Variants in SHISA6 observed in about 807,000 individuals in gnomAD.
SHISA6 encodes the protein protein shisa-6.
Under a neutral mutation model 47.9 loss-of-function variants are expected in SHISA6, and 22 were observed. The observed-to-expected ratio is 0.46, with a 90% CI of 0.33 to 0.66. The LOEUF (loss-of-function observed/expected upper bound fraction) is 0.66, where lower values mean the gene tolerates loss of function less well. Ranked by LOEUF, SHISA6 falls within the 30% of genes least tolerant of loss-of-function variation. The pLI is 0.02. For missense variants in SHISA6, 680 were observed against 764.6 expected (o/e 0.89, Z 1.30); for synonymous variants, 388 against 337.8 (o/e 1.15, Z -1.63).
chr17:11,268,810 A>G (rs1183899634), intron 2 of SHISA6, among the ~76,000 whole-genome samples: 1 of 152,234 alleles, frequency 6.6e-6, no homozygotes, highest in Non-Finnish European at 1.5e-5. Flanking sequence ...TGTTCAGGGA[A>G]TGATGAAAGA....
At chr17:11,504,199 A>T (rs1044234950) in intron 3 of SHISA6, among the ~76,000 whole-genome samples, 1 of 152,192 alleles carries the variant, frequency 6.6e-6, no homozygotes. Flanking sequence ...GGCTGGCTTC[A>T]TGGGCTTTGC....
rs959119578 is a variant in SHISA6 at position 11,546,091 on chromosome 17, T to A, written c.896-5805T>A. On this transcript the variant is annotated intron_variant, in intron 3 of 5. Transcript: ENST00000441885. ...GGGACTAGAAATATAACTGTAGCCA[T>A]TTTTGGAAAATACAATATGCCCCGG... Among the ~76,000 whole-genome samples the A allele has an allele frequency of 2.0e-5, 3 of 152,318 alleles. No homozygotes were observed. In the East Asian group the frequency reaches 5.8e-4, roughly 29 times the overall value.
chr17:11,290,842 A>G (rs545234706), intron 2 of SHISA6: 2 of 152,184 alleles, frequency 1.3e-5, no homozygotes, highest in African/African-American at 4.8e-5. Flanking sequence ...TGATACTGAT[A>G]TGTGAGGGTT....
intron 2 of SHISA6, among the ~76,000 whole-genome samples, chr17:11,341,149 C>CT (rs1472428659): frequency 1.3e-5 from 2 of 152,200 alleles, no homozygotes; most frequent in African/African-American, 4.8e-5. Flanking sequence ...ATGGGAGCAT[C>CT]TTCTGGGGGA....
At chr17:11,526,728 G>C (rs1327366262) in intron 3 of SHISA6, among the ~76,000 whole-genome samples, 1 of 151,856 alleles carries the variant, frequency 6.6e-6, no homozygotes, top group Non-Finnish European at 1.5e-5. Flanking sequence ...GAAGCATTTT[G>C]CTTCTTGGGT....
chr17:11,316,428 T>G (rs1344209800), intron 2 of SHISA6, among the ~76,000 whole-genome samples: 2 of 146,700 alleles, frequency 1.4e-5, no homozygotes, highest in African/African-American at 5.0e-5. Context: ...TCTTTTTTTT[T>G]TTTTTTTTTT....
chr17:11,424,773 G>A (rs1914558358), intron 3 of SHISA6, among the ~76,000 whole-genome samples: 1 of 152,036 alleles, frequency 6.6e-6, no homozygotes, highest in African/African-American at 2.4e-5. Context: ...GGAGGCCGAG[G>A]CAGGTGGATC....
At chr17:11,498,735 G>A (rs1466905753) in intron 3 of SHISA6, among the ~76,000 whole-genome samples, 44 of 152,182 alleles carry the variant, frequency 2.9e-4, no homozygotes, top group Non-Finnish European at 1.0e-4. Context: ...GAAGGGCTTG[G>A]ACTGTGGAGC....
chr17:11,383,698 C>T (rs571464827), intron 3 of SHISA6, among the ~76,000 whole-genome samples: 19 of 152,266 alleles, frequency 1.2e-4, no homozygotes, highest in African/African-American at 4.6e-4. Context: ...CTTACTTTTC[C>T]TCTTACTATC....
In SHISA6 at chr17:11,313,611, A is replaced by T. The variant is rs796324347; in HGVS notation, c.799+50085A>T. ...AAAAGGGGCATCTCTTTTAACCGTT[A>T]CCTTTTGGGAAGCCCTCCCTGGGGA... On this transcript the variant is annotated intron_variant, in intron 2 of 5. Coordinates refer to ENST00000441885, the MANE Select transcript of SHISA6 (RefSeq NM_207386.4). 3.9e-4 allele frequency among the ~76,000 whole-genome samples: 59 copies of T among 152,282 alleles called. 1 individual carries two copies. The highest frequency in any genetic ancestry group is 1.3e-3 in the African/African-American group (55 of 41,550).
intron 1 of SHISA6, among the ~76,000 whole-genome samples, chr17:11,245,058 T>G (rs4792109): frequency 0.9 from 136,833 of 152,224 alleles, 61,551 homozygotes; most frequent in Admixed American, 0.94. Context: ...GGGAGGAAGA[T>G]ATTTCATCAT....
At chr17:11,510,368 A>G (rs1287840167) in intron 3 of SHISA6, among the ~76,000 whole-genome samples, 2 of 152,166 alleles carry the variant, frequency 1.3e-5, no homozygotes, top group African/African-American at 2.4e-5. Context: ...GGGGGAGAAG[A>G]ACATTAGCCT....
intron 3 of SHISA6, among the ~76,000 whole-genome samples, chr17:11,454,624 G>T (rs532129580): frequency 6.6e-6 from 1 of 152,120 alleles, no homozygotes; most frequent in Non-Finnish European, 1.5e-5. Context: ...CACCCTGCCC[G>T]CACTGTGAAA....
At chr17:11,275,762 A>G (rs975582838) in intron 2 of SHISA6, among the ~76,000 whole-genome samples, 1 of 152,150 alleles carries the variant, frequency 6.6e-6, no homozygotes, top group Non-Finnish European at 1.5e-5. Flanking sequence ...GGTATGAAGA[A>G]GAGACCAGAG....
chr17:11,289,376 A>G (rs548390147), intron 2 of SHISA6: 1 of 152,046 alleles, frequency 6.6e-6, no homozygotes, highest in South Asian at 2.1e-4. Context: ...GTCCTCTATC[A>G]TGATTTTTCA....
chr17:11,365,576 C>A (rs1912423949), intron 2 of SHISA6, among the ~76,000 whole-genome samples: 1 of 152,162 alleles, frequency 6.6e-6, no homozygotes, highest in Non-Finnish European at 1.5e-5. Flanking sequence ...CTGCACTCAG[C>A]CAAATTATTT....
intron 3 of SHISA6, among the ~76,000 whole-genome samples, chr17:11,394,190 A>G (rs1213921618): frequency 6.6e-6 from 1 of 152,180 alleles, no homozygotes; most frequent in Non-Finnish European, 1.5e-5. Context: ...CCCAGTGGAT[A>G]TTCACTACAG....
At chr17:11,286,749 T>C (rs1438988766) in intron 2 of SHISA6, among the ~76,000 whole-genome samples, 2 of 152,196 alleles carry the variant, frequency 1.3e-5, no homozygotes, top group South Asian at 2.1e-4. Context: ...CCCCAGGATA[T>C]TTTGTCCAGA....
At chr17:11,330,727 A>G (rs1911073662) in intron 2 of SHISA6, among the ~76,000 whole-genome samples, 1 of 152,202 alleles carries the variant, frequency 6.6e-6, no homozygotes, top group African/African-American at 2.4e-5. Context: ...AACAGCATAC[A>G]CGAGCAAAGA....
Sources: gnomAD v4.1 joint callset for allele counts (sites outside exome capture counted in the v4.1 genomes callset) on GRCh38, gnomAD v4.1.1 for gene constraint, MANE v1.5 for transcripts, NCBI Gene and HGNC (gene_info 2026-07-23, HGNC 2026-07-21) for gene names.